KCNIP4: variants seen among roughly 807,000 people sequenced by gnomAD.
KCNIP4 encodes potassium voltage-gated channel interacting protein 4, also known as Kv channel-interacting protein 4.
KCNIP4 carries 12 observed loss-of-function variants against 34.0 expected under a neutral mutation model. The ratio of observed to expected loss-of-function variants is 0.35; its 90% confidence interval spans 0.23 to 0.57. The LOEUF (loss-of-function observed/expected upper bound fraction) is 0.57. KCNIP4 is among the 20% of genes least tolerant of loss of function. The pLI, the probability that KCNIP4 is intolerant of heterozygous loss-of-function variation, is 0.83. For missense variants in KCNIP4, 238 were observed against 311.7 expected (o/e 0.76, Z 1.78); for synonymous variants, 124 against 102.2 (o/e 1.21, Z -1.29).
chr4:21,202,347 G>T (rs1031515757), intron 1 of KCNIP4, among the ~76,000 whole-genome samples: 129 of 152,256 alleles, frequency 8.5e-4, no homozygotes, highest in African/African-American at 2.8e-3. Context: ...CAAATATCAC[G>T]TGTTCTCACC....
intron 1 of KCNIP4, among the ~76,000 whole-genome samples, chr4:21,562,241 C>A (rs1451102244): frequency 6.6e-6 from 1 of 151,294 alleles, no homozygotes; most frequent in Non-Finnish European, 1.5e-5. Context: ...AATTGCTGAA[C>A]CCTGGGATAC....
intron 1 of KCNIP4, among the ~76,000 whole-genome samples, chr4:20,934,940 C>T (rs916434717): frequency 7.9e-5 from 12 of 152,190 alleles, no homozygotes; most frequent in Non-Finnish European, 5.9e-5. Context: ...TTCTTTGCCT[C>T]TTCATCTTCT....
At chr4:20,778,829 T>G (rs1364478581) in intron 3 of KCNIP4, among the ~76,000 whole-genome samples, 2 of 152,170 alleles carry the variant, frequency 1.3e-5, no homozygotes, top group East Asian at 3.9e-4. Flanking sequence ...TGTAAGAGTA[T>G]AAGAATGAGA....
chr4:21,640,140 T>C (rs1235128384), intron 1 of KCNIP4, among the ~76,000 whole-genome samples: 1 of 152,196 alleles, frequency 6.6e-6, no homozygotes, highest in African/African-American at 2.4e-5. Flanking sequence ...TATCATCAAC[T>C]AGCCAATGCC....
At chr4:20,896,312 T>A (rs1368991085) in intron 1 of KCNIP4, among the ~76,000 whole-genome samples, 1 of 152,218 alleles carries the variant, frequency 6.6e-6, no homozygotes, top group Non-Finnish European at 1.5e-5. Flanking sequence ...CCTCTGGTTG[T>A]TTACACATGG....
chr4:21,496,345 C>T (rs7340847), intron 1 of KCNIP4, among the ~76,000 whole-genome samples: 125 of 152,188 alleles, frequency 8.2e-4, no homozygotes, highest in African/African-American at 2.9e-3. Context: ...TCAACAGCTT[C>T]CTGTCCTTAT....
chr4:21,523,349 G>A (rs142030698), intron 1 of KCNIP4, among the ~76,000 whole-genome samples: 264 of 152,118 alleles, frequency 1.7e-3, no homozygotes, highest in Middle Eastern at 0.01. Flanking sequence ...GTTTACCACC[G>A]TCAAATGCTA....
intron 1 of KCNIP4, among the ~76,000 whole-genome samples, chr4:21,324,339 G>T (rs751384671): frequency 1.1e-4 from 16 of 151,918 alleles, no homozygotes; most frequent in Non-Finnish European, 1.9e-4. Flanking sequence ...ATGTCCTGGG[G>T]AATTTTCTCA....
chr4:20,980,840 A>G (rs113775488), intron 1 of KCNIP4, among the ~76,000 whole-genome samples: 1 of 151,194 alleles, frequency 6.6e-6, no homozygotes, highest in Non-Finnish European at 1.5e-5. Flanking sequence ...AATTCTCTGG[A>G]CTATTGTGGG....
chr4:21,497,072 CTG>C (rs1292286662), intron 1 of KCNIP4, among the ~76,000 whole-genome samples: 1 of 152,160 alleles, frequency 6.6e-6, no homozygotes, highest in African/African-American at 2.4e-5. Context: ...ATACTGACAA[CTG>C]TGTGATGTTA....
At chr4:21,449,329 G>GT (rs1194938609) in intron 1 of KCNIP4, among the ~76,000 whole-genome samples, 1 of 152,076 alleles carries the variant, frequency 6.6e-6, no homozygotes, top group Non-Finnish European at 1.5e-5. Context: ...CCATTTGTAT[G>GT]TTGGTAACAT....
At chr4:20,733,301 G>C (rs955996312) in intron 6 of KCNIP4, among the ~76,000 whole-genome samples, 1 of 152,074 alleles carries the variant, frequency 6.6e-6, no homozygotes, top group Non-Finnish European at 1.5e-5. Context: ...GTGAAGACTA[G>C]TCAAAAAATT....
chr4:21,617,836 C>T (rs1307864970), intron 1 of KCNIP4, among the ~76,000 whole-genome samples: 1 of 152,076 alleles, frequency 6.6e-6, no homozygotes, highest in Non-Finnish European at 1.5e-5. Flanking sequence ...TACTTCTGAT[C>T]ATTTGTTTTA....
At chr4:21,041,427 T>G (rs1291102692) in intron 1 of KCNIP4, among the ~76,000 whole-genome samples, 1 of 152,152 alleles carries the variant, frequency 6.6e-6, no homozygotes, top group African/African-American at 2.4e-5. Flanking sequence ...AGTTTCAAAC[T>G]TAAAGATTTA....
At chr4:21,204,612 T>C (rs556413803) in intron 1 of KCNIP4, among the ~76,000 whole-genome samples, 1 of 152,188 alleles carries the variant, frequency 6.6e-6, no homozygotes, top group South Asian at 2.1e-4. Context: ...ATTTCAAGTA[T>C]TCAAAAATAA....
At chr4:21,057,588 G>A (rs6819667) in intron 1 of KCNIP4, among the ~76,000 whole-genome samples, 20,812 of 152,078 alleles carry the variant, frequency 0.14, 1,671 homozygotes, top group East Asian at 0.24. Flanking sequence ...AGTGAGAGTC[G>A]AACAATAGTG....
intron 1 of KCNIP4, among the ~76,000 whole-genome samples, chr4:21,892,259 C>CA (rs1727139735): frequency 1.3e-5 from 2 of 151,674 alleles, no homozygotes; most frequent in Admixed American, 6.6e-5. Flanking sequence ...TGTCAGATGT[C>CA]ATGATCAACA....
intron 1 of KCNIP4, among the ~76,000 whole-genome samples, chr4:21,494,730 G>A (rs28673434): frequency 0.038 from 5,567 of 148,224 alleles, 314 homozygotes; most frequent in African/African-American, 0.12. Flanking sequence ...CCAAGATCGC[G>A]CCACTACACA....
At chr4:21,089,774 C>A (rs527855781) in intron 1 of KCNIP4, among the ~76,000 whole-genome samples, 1 of 152,238 alleles carries the variant, frequency 6.6e-6, no homozygotes, top group South Asian at 2.1e-4. Flanking sequence ...AGTATCTTCT[C>A]TTGTATACTT....
Sources: gnomAD v4.1 joint callset for allele counts (sites outside exome capture counted in the v4.1 genomes callset) on GRCh38, gnomAD v4.1.1 for gene constraint, MANE v1.5 for transcripts, NCBI Gene and HGNC (gene_info 2026-07-23, HGNC 2026-07-21) for gene names.